The following SKAP1 variants were observed in gnomAD, a reference collection of about 807,000 sequenced individuals.
SKAP1 encodes src kinase associated phosphoprotein 1, also known as src kinase-associated phosphoprotein 1.
In SKAP1, 44 loss-of-function variants were observed where a neutral mutation model predicts 58.5. That is an observed-to-expected ratio of 0.75 (90% CI 0.59 to 0.97). SKAP1 has a LOEUF of 0.97. Ranked by LOEUF, SKAP1 falls within the 50% of genes least tolerant of loss-of-function variation. SKAP1 has a pLI of 0.00. For missense variants in SKAP1, 390 were observed against 435.2 expected (o/e 0.90, Z 0.92); for synonymous variants, 127 against 149.7 (o/e 0.85, Z 1.11).
rs562651506 is a variant in SKAP1 at position 48,346,398 on chromosome 17, C to T, written c.179-392G>A. ...TAGCACTTTGGGAGGCCCAGGCAGG[C>T]GGATCACCTGAGGGCAGGAGTTCAA... On this transcript the variant is annotated intron_variant, in intron 3 of 12. Transcript: ENST00000336915. 1.9e-3 allele frequency among the ~76,000 whole-genome samples: 296 copies of T among 152,066 alleles called. 1 individual carries two copies. Among genetic ancestry groups the T allele is most frequent in the African/African-American group, 7.0e-3 (289 of 41,478 alleles).
At chr17:48,220,256 C>T (rs1037897489) in intron 4 of SKAP1, among the ~76,000 whole-genome samples, 2 of 152,086 alleles carry the variant, frequency 1.3e-5, no homozygotes, top group Admixed American at 1.3e-4. Flanking sequence ...TAAGATTGTT[C>T]ACAACAGCAT....
At chr17:48,224,557 A>G (rs997947528) in intron 4 of SKAP1, among the ~76,000 whole-genome samples, 1 of 152,214 alleles carries the variant, frequency 6.6e-6, no homozygotes, top group Non-Finnish European at 1.5e-5. Flanking sequence ...TTTCAAATAG[A>G]ATAATAATTC....
the SKAP1 span, among the ~76,000 whole-genome samples, chr17:48,442,796 G>A: frequency 3.3e-5 from 5 of 151,876 alleles, no homozygotes; most frequent in Non-Finnish European, 5.9e-5. Flanking sequence ...CTGGTTTTAC[G>A]CCCCACCAAC....
chr17:48,198,746 A>G (rs2064682678), intron 4 of SKAP1, among the ~76,000 whole-genome samples: 1 of 152,192 alleles, frequency 6.6e-6, no homozygotes, highest in Admixed American at 6.5e-5. Flanking sequence ...GATTTTATCA[A>G]TAACACATAT....
intron 2 of SKAP1, among the ~76,000 whole-genome samples, chr17:48,394,892 G>T (rs1239556186): frequency 1.3e-5 from 2 of 152,118 alleles, no homozygotes; most frequent in Non-Finnish European, 2.9e-5. Context: ...CTATTTTCTT[G>T]TACAGTATCT....
intron 4 of SKAP1, among the ~76,000 whole-genome samples, chr17:48,271,147 AG>A (rs2065627308): frequency 6.6e-6 from 1 of 152,160 alleles, no homozygotes; most frequent in Non-Finnish European, 1.5e-5. Context: ...TCCAGAAAAA[AG>A]GTTAGTGACC....
At chr17:48,436,898 C>T in the SKAP1 span, among the ~76,000 whole-genome samples, 1 of 152,242 alleles carries the variant, frequency 6.6e-6, no homozygotes, top group Admixed American at 6.5e-5. Flanking sequence ...ACCACCTGCT[C>T]TTGCTGTAAG....
At chr17:48,325,030 C>CCT (rs778890715) in intron 4 of SKAP1, among the ~76,000 whole-genome samples, 445 of 151,024 alleles carry the variant, frequency 2.9e-3, no homozygotes, top group Non-Finnish European at 4.7e-3. Flanking sequence ...GGGCGGATCA[C>CCT]GAGGTCAGGA....
chr17:48,164,099 T>C (rs1175027483), intron 10 of SKAP1, among the ~76,000 whole-genome samples: 2 of 152,214 alleles, frequency 1.3e-5, no homozygotes, highest in Non-Finnish European at 2.9e-5. Context: ...AGAAATATGT[T>C]AGTTATTGAA....
chr17:48,388,580 T>C (rs1460109921), intron 2 of SKAP1, among the ~76,000 whole-genome samples: 1 of 152,228 alleles, frequency 6.6e-6, no homozygotes, highest in East Asian at 1.9e-4. Context: ...CTTTGTCATA[T>C]ATCCTTCCAT....
chr17:48,180,083 T>TC lies in SKAP1; in HGVS notation c.796dup (p.Glu266GlyfsTer7). On this transcript the variant is annotated frameshift_variant, in exon 9 of 13. Transcript: ENST00000336915. LOFTEE classifies it high-confidence loss of function. Reference sequence around the variant, plus strand: ...CAAGACTTCATAAATATCTTCTTCTTCTTTCTCCTCTGTAGGCTCTTTTAT... The same window carrying TC: ...CAAGACTTCATAAATATCTTCTTCTTCCTTTCTCCTCTGTAGGCTCTTTTAT... 2 of 1,598,664 alleles carry TC rather than the reference T, an allele frequency of 1.3e-6. No homozygotes were observed. Among genetic ancestry groups the TC allele is most frequent in the Non-Finnish European group, 1.7e-6 (2 of 1,175,162 alleles).
intron 4 of SKAP1, among the ~76,000 whole-genome samples, chr17:48,310,587 G>A (rs2066209725): frequency 6.6e-6 from 1 of 152,058 alleles, no homozygotes; most frequent in South Asian, 2.1e-4. Flanking sequence ...ACAGTTAATC[G>A]ACATCTAAAA....
chr17:48,229,429 T>A (rs2065103678), intron 4 of SKAP1, among the ~76,000 whole-genome samples: 1 of 152,084 alleles, frequency 6.6e-6, no homozygotes, highest in African/African-American at 2.4e-5. Flanking sequence ...GTGACTAGCC[T>A]GGCCAAGATG....
At chr17:48,248,965 G>A (rs1366344879) in intron 4 of SKAP1, 1 of 152,142 alleles carries the variant, frequency 6.6e-6, no homozygotes, top group African/African-American at 2.4e-5. Flanking sequence ...GGAGGCCGAG[G>A]CGGGCGGATC....
intron 2 of SKAP1, among the ~76,000 whole-genome samples, chr17:48,378,865 G>A (rs1252665641): frequency 6.6e-6 from 1 of 152,170 alleles, no homozygotes; most frequent in Non-Finnish European, 1.5e-5. Flanking sequence ...GGCTGTCTGA[G>A]TTCAGTATGA....
Position 48,189,486 on chromosome 17 carries a change from C to CGAT in SKAP1, c.292_294dup (p.Ile98dup). 1.2e-6 allele frequency: 2 copies of CGAT among 1,612,566 alleles called. No homozygotes were observed. Among genetic ancestry groups the CGAT allele is most frequent in the Non-Finnish European group, 1.7e-6 (2 of 1,179,518 alleles). On this transcript the variant is annotated inframe_insertion, in exon 5 of 13. Transcript: ENST00000336915. ...TTATCAAGTTCTTGAGCTCCTTTTA[C>CGAT]GATGTCTTCCATTCCTAAAAGGACC...
At chr17:48,264,353 T>C (rs1031304716) in intron 4 of SKAP1, among the ~76,000 whole-genome samples, 1 of 151,672 alleles carries the variant, frequency 6.6e-6, no homozygotes, top group Non-Finnish European at 1.5e-5. Flanking sequence ...TTCCACTACA[T>C]ACTACCCAGT....
chr17:48,425,274 C>T (rs930439471), intron 1 of SKAP1, among the ~76,000 whole-genome samples: 7 of 151,954 alleles, frequency 4.6e-5, no homozygotes, highest in African/African-American at 1.5e-4. Flanking sequence ...AAACGAAAAC[C>T]CTCAGGAGAC....
At chr17:48,186,006 C>T (rs2143497117) in intron 6 of SKAP1, 1 of 152,128 alleles carries the variant, frequency 6.6e-6, no homozygotes, top group East Asian at 1.9e-4. Context: ...GCTCTCCCTG[C>T]TCCTCTCTCA....
Sources: allele counts gnomAD v4.1 joint callset (sites outside exome capture counted in the v4.1 genomes callset), GRCh38; gene constraint gnomAD v4.1.1; transcripts MANE v1.5; gene names NCBI Gene and HGNC (gene_info 2026-07-23, HGNC 2026-07-21).